Variants in DLGAP2 observed in about 807,000 individuals in gnomAD.
DLGAP2 encodes the protein DLG associated protein 2, also known as disks large-associated protein 2.
In DLGAP2, 26 loss-of-function variants were observed where a neutral mutation model predicts 100.3. That is an observed-to-expected ratio of 0.26 (90% CI 0.19 to 0.36). The LOEUF (loss-of-function observed/expected upper bound fraction) is 0.36. Ranked by LOEUF, DLGAP2 falls within the 10% of genes least tolerant of loss-of-function variation. The pLI is 1.00. For missense variants in DLGAP2, 1,858 were observed against 1,453.2 expected (o/e 1.28, Z -4.53); for synonymous variants, 886 against 630.1 (o/e 1.41, Z -6.08).
At chr8:1,115,417 A>G (rs2129046606) in intron 2 of DLGAP2, among the ~76,000 whole-genome samples, 1 of 152,320 alleles carries the variant, frequency 6.6e-6, no homozygotes, top group South Asian at 2.1e-4. Flanking sequence ...TTCTTGTTGA[A>G]TTGAACCCTT....
intron 7 of DLGAP2, 48 bp from the exon 8 acceptor site, chr8:1,632,779 G>A: frequency 1.3e-6 from 2 of 1,538,036 alleles, no homozygotes; most frequent in Non-Finnish European, 1.8e-6. Context: ...GTAACGTGAT[G>A]GTGACCCTGG....
intron 3 of DLGAP2, among the ~76,000 whole-genome samples, chr8:1,390,232 C>T (rs571797397): frequency 1.3e-5 from 2 of 152,276 alleles, no homozygotes; most frequent in East Asian, 1.9e-4. Flanking sequence ...TTGGTGAAAA[C>T]CAGATGGGAG....
At chr8:1,408,340 G>T (rs565133001) in intron 3 of DLGAP2, among the ~76,000 whole-genome samples, 4 of 152,216 alleles carry the variant, frequency 2.6e-5, no homozygotes. Context: ...CCCTTCCCTC[G>T]GGGAGGCGTC....
intron 3 of DLGAP2, among the ~76,000 whole-genome samples, chr8:1,472,764 A>G (rs954712875): frequency 3.1e-4 from 47 of 152,208 alleles, no homozygotes; most frequent in African/African-American, 9.2e-4. Flanking sequence ...CTGGGGTGAC[A>G]AGGATGCACA....
chr8:1,334,273 T>C (rs974670885), intron 3 of DLGAP2, among the ~76,000 whole-genome samples: 6 of 152,208 alleles, frequency 3.9e-5, no homozygotes, highest in African/African-American at 1.2e-4. Context: ...GCAGTCAGCA[T>C]TTGCCACCCC....
At chr8:796,091 G>C (rs965767957) in intron 1 of DLGAP2, among the ~76,000 whole-genome samples, 24 of 142,322 alleles carry the variant, frequency 1.7e-4, no homozygotes, top group Non-Finnish European at 3.9e-4. Context: ...GTGAGAGCAG[G>C]CGTCCAGTGA....
chr8:903,670 A>G (rs1038317173), intron 1 of DLGAP2, among the ~76,000 whole-genome samples: 3 of 152,154 alleles, frequency 2.0e-5, no homozygotes, highest in South Asian at 4.2e-4. Context: ...TGGCACGGCC[A>G]TGGAGGACGC....
At chr8:1,536,305 A>G (rs1464446928) in intron 4 of DLGAP2, among the ~76,000 whole-genome samples, 2 of 152,090 alleles carry the variant, frequency 1.3e-5, no homozygotes, top group Non-Finnish European at 2.9e-5. Context: ...ACTTCCCGGG[A>G]TTGTTAGCAG....
chr8:1,667,770 A>G (rs1482101032), intron 8 of DLGAP2, among the ~76,000 whole-genome samples: 1 of 152,242 alleles, frequency 6.6e-6, no homozygotes, highest in Non-Finnish European at 1.5e-5. Flanking sequence ...GTGTGATAGA[A>G]TCAGCATTTT....
intron 3 of DLGAP2, among the ~76,000 whole-genome samples, chr8:1,382,293 C>T (rs766305009): frequency 6.6e-6 from 1 of 152,254 alleles, no homozygotes; most frequent in Non-Finnish European, 1.5e-5. Context: ...TCATCCCCGT[C>T]TTCACGTTGA....
intron 2 of DLGAP2, among the ~76,000 whole-genome samples, chr8:1,000,525 T>C (rs181023891): frequency 7.0e-4 from 106 of 152,188 alleles, no homozygotes; most frequent in Admixed American, 3.9e-3. Flanking sequence ...GGATTTTCTA[T>C]AGAGCGGACA....
intron 3 of DLGAP2, among the ~76,000 whole-genome samples, chr8:1,295,050 A>T (rs1472763388): frequency 1.3e-5 from 2 of 152,164 alleles, no homozygotes; most frequent in African/African-American, 4.8e-5. Context: ...GCAGAAGGAA[A>T]GGAAATAATT....
At chr8:1,634,460 G>A (rs1027749041) in intron 8 of DLGAP2, among the ~76,000 whole-genome samples, 7 of 152,188 alleles carry the variant, frequency 4.6e-5, no homozygotes, top group Middle Eastern at 3.2e-3. Flanking sequence ...CCGGGCAGCT[G>A]TGGGCACCCT....
chr8:855,237 A>C (rs1170324260), intron 1 of DLGAP2, among the ~76,000 whole-genome samples: 1 of 152,128 alleles, frequency 6.6e-6, no homozygotes, highest in African/African-American at 2.4e-5. Flanking sequence ...TACGCTTTTC[A>C]TTTCCTTTCT....
At chr8:1,024,113 C>G (rs1172975269) in intron 2 of DLGAP2, among the ~76,000 whole-genome samples, 3 of 151,848 alleles carry the variant, frequency 2.0e-5, no homozygotes, top group Non-Finnish European at 2.9e-5. Flanking sequence ...TAAGTGAATC[C>G]CCAGTGGAGG....
chr8:1,293,610 C>T (rs139870001), intron 3 of DLGAP2, among the ~76,000 whole-genome samples: 148 of 152,286 alleles, frequency 9.7e-4, no homozygotes, highest in African/African-American at 3.2e-3. Flanking sequence ...ACAGCCTCAG[C>T]CATTAACCTC....
chr8:1,158,034 G>A (rs1446523844), intron 2 of DLGAP2, among the ~76,000 whole-genome samples: 2 of 152,214 alleles, frequency 1.3e-5, no homozygotes, highest in Non-Finnish European at 2.9e-5. Context: ...TTAAATCATG[G>A]CCCACCCTAG....
At chr8:1,629,717 A>G (rs1226963116) in intron 7 of DLGAP2, among the ~76,000 whole-genome samples, 1 of 152,208 alleles carries the variant, frequency 6.6e-6, no homozygotes. Flanking sequence ...AACCCAACAA[A>G]AGGTTTAAAC....
At chr8:965,092 A>T (rs542547013) in intron 2 of DLGAP2, among the ~76,000 whole-genome samples, 36 of 148,056 alleles carry the variant, frequency 2.4e-4, no homozygotes, top group Non-Finnish European at 3.9e-4. Flanking sequence ...GGCAGTGTTC[A>T]TCACACACGC....
Sources: gnomAD v4.1 joint callset for allele counts (sites outside exome capture counted in the v4.1 genomes callset) on GRCh38, gnomAD v4.1.1 for gene constraint, MANE v1.5 for transcripts, NCBI Gene and HGNC (gene_info 2026-07-23, HGNC 2026-07-21) for gene names.